The following CADM2 variants were observed in gnomAD, a reference collection of about 807,000 sequenced individuals.
The protein encoded by CADM2 is cell adhesion molecule 2.
CADM2 carries 12 observed loss-of-function variants against 49.8 expected under a neutral mutation model. That is an observed-to-expected ratio of 0.24 (90% CI 0.15 to 0.39). CADM2 has a LOEUF of 0.39. CADM2 is among the 10% of genes least tolerant of loss of function. CADM2 has a pLI of 1.00. For missense variants in CADM2, 378 were observed against 492.3 expected, an observed-to-expected ratio of 0.77 and a Z score of 2.20; for synonymous variants, 214 against 175.4, an observed-to-expected ratio of 1.22 and a Z score of -1.74.
chr3:85,619,360 A>C (rs1389630464), intron 1 of CADM2, among the ~76,000 whole-genome samples: 3 of 152,138 alleles, frequency 2.0e-5, no homozygotes, highest in African/African-American at 7.2e-5. Flanking sequence ...AAAAGAAAAA[A>C]AAAGGAAATG....
At chr3:85,226,108 G>C (rs1559730731) in intron 1 of CADM2, among the ~76,000 whole-genome samples, 1 of 152,102 alleles carries the variant, frequency 6.6e-6, no homozygotes, top group Non-Finnish European at 1.5e-5. Context: ...CCAAGTTTTA[G>C]TATCAGGATG....
At position 85,084,097 on chromosome 3, in the gene CADM2, C is replaced by T. The variant is rs557442531; in HGVS notation, c.61+124429C>T. ...CTGCGTGATGTGAAAGGCATCGCTC[C>T]TTCTGTGACTGGTCTGCTGAGCTGA... On this transcript the variant is annotated intron_variant, in intron 1 of 9. Coordinates refer to ENST00000383699, the MANE Select transcript of CADM2 (RefSeq NM_001167675.2). Among the ~76,000 whole-genome samples the T allele has an allele frequency of 9.2e-5, 14 of 152,258 alleles. No individual in the cohort carries two copies. The South Asian group carries it at 1.9e-3, about 20-fold the overall frequency.
intron 1 of CADM2, among the ~76,000 whole-genome samples, chr3:85,056,359 A>T (rs1453298129): frequency 6.6e-6 from 1 of 152,044 alleles, no homozygotes; most frequent in Non-Finnish European, 1.5e-5. Flanking sequence ...AGAATTTCAG[A>T]GTCTTAGGCT....
chr3:85,064,926 G>A (rs2036471628), intron 1 of CADM2, among the ~76,000 whole-genome samples: 1 of 152,074 alleles, frequency 6.6e-6, no homozygotes, highest in Non-Finnish European at 1.5e-5. Context: ...TCACTAACTG[G>A]TTGTGTTTTT....
chr3:85,839,393 A>G (rs979266965), intron 3 of CADM2, among the ~76,000 whole-genome samples: 3 of 151,796 alleles, frequency 2.0e-5, no homozygotes, highest in South Asian at 2.1e-4. Flanking sequence ...CTCTCTGTCT[A>G]TATATTTTCC....
rs753979609 is a variant in CADM2 at position 85,298,407 on chromosome 3, CA to C, written c.61+338740del. Reference sequence around the variant, plus strand: ...CTAATTGCTTGCAGCAGCACTGATGCAGTTGAGGATATTTCCACATAAATAT... The same window carrying C: ...CTAATTGCTTGCAGCAGCACTGATGCGTTGAGGATATTTCCACATAAATAT... On this transcript the variant is annotated intron_variant, in intron 1 of 9. Transcript: ENST00000383699. Among the ~76,000 whole-genome samples, 32 of 152,200 alleles carry C rather than the reference CA, an allele frequency of 2.1e-4. 1 individual carries two copies. In the Middle Eastern group the frequency reaches 0.01, roughly 49 times the overall value.
chr3:85,439,572 A>C (rs1235742795), intron 1 of CADM2, among the ~76,000 whole-genome samples: 3 of 152,138 alleles, frequency 2.0e-5, no homozygotes, highest in Non-Finnish European at 4.4e-5. Context: ...AGTGAAACTA[A>C]TGATTTAGCA....
chr3:85,020,937 A>T (rs2034475930), intron 1 of CADM2, among the ~76,000 whole-genome samples: 1 of 152,102 alleles, frequency 6.6e-6, no homozygotes, highest in African/African-American at 2.4e-5. Flanking sequence ...ATTATATGGC[A>T]TTAATTTTTT....
chr3:85,996,508 TA>T (rs1215369692), intron 8 of CADM2, among the ~76,000 whole-genome samples: 1 of 152,050 alleles, frequency 6.6e-6, no homozygotes, highest in East Asian at 1.9e-4. Context: ...TACTATTCTG[TA>T]AATCCTTCTT....
chr3:85,546,673 A>C (rs920655456), intron 1 of CADM2, among the ~76,000 whole-genome samples: 2 of 152,182 alleles, frequency 1.3e-5, no homozygotes, highest in Admixed American at 6.5e-5. Flanking sequence ...ACTCACAGAC[A>C]TCAGAATACT....
At chr3:85,308,304 C>CCT (rs1475763530) in intron 1 of CADM2, among the ~76,000 whole-genome samples, 2 of 138,324 alleles carry the variant, frequency 1.4e-5, no homozygotes, top group Non-Finnish European at 3.0e-5. Flanking sequence ...TCTATATCTA[C>CCT]CTCTCTACAC....
At position 85,530,321 on chromosome 3, in the gene CADM2, CGTTTTTTTTT is replaced by C. The variant is rs1231257145; in HGVS notation, c.62-196200_62-196191del. On this transcript the variant is annotated intron_variant, in intron 1 of 9. Transcript: ENST00000383699. ...GTGAGTCAGTTAGACTTCTTTTCTC[CGTTTTTTTTT>C]TTTTTTTTTTTTTTTTTGAGACGGA... 9.2e-4 allele frequency among the ~76,000 whole-genome samples: 110 copies of C among 119,024 alleles called. 12 individuals are homozygous for C. Among genetic ancestry groups the C allele is most frequent in the South Asian group, 1.6e-3 (6 of 3,826 alleles). 78.1% of individuals were successfully genotyped at this position (119,024 alleles called of 152,430 possible). A position where few individuals can be genotyped will look rare whatever the true frequency, so the allele number is the denominator to read the frequency against.
At chr3:86,006,557 A>G (rs1013943218) in intron 8 of CADM2, among the ~76,000 whole-genome samples, 1 of 152,150 alleles carries the variant, frequency 6.6e-6, no homozygotes, top group Non-Finnish European at 1.5e-5. Flanking sequence ...GCTTGTCTTT[A>G]GTCTGAATTT....
At chr3:85,612,494 A>G (rs993822613) in intron 1 of CADM2, among the ~76,000 whole-genome samples, 1 of 151,856 alleles carries the variant, frequency 6.6e-6, no homozygotes, top group Admixed American at 6.6e-5. Context: ...GGGATGCTCC[A>G]ATACAGTTAG....
chr3:85,315,880 T>C (rs1381775937), intron 1 of CADM2, among the ~76,000 whole-genome samples: 1 of 152,158 alleles, frequency 6.6e-6, no homozygotes, highest in African/African-American at 2.4e-5. Flanking sequence ...TTAGTGAAGA[T>C]AATTATATAT....
At chr3:85,257,806 T>C (rs72917164) in intron 1 of CADM2, among the ~76,000 whole-genome samples, 10,056 of 152,094 alleles carry the variant, frequency 0.066, 1,093 homozygotes, top group African/African-American at 0.23. Flanking sequence ...TCCAAGAGTT[T>C]TAAAAATCTA....
intron 1 of CADM2, among the ~76,000 whole-genome samples, chr3:85,681,495 T>C (rs1018091451): frequency 6.6e-6 from 1 of 152,104 alleles, no homozygotes; most frequent in Non-Finnish European, 1.5e-5. Flanking sequence ...GCCTTAAATA[T>C]GCAGGCTTCT....
chr3:85,036,843 A>T (rs1384263804), intron 1 of CADM2, among the ~76,000 whole-genome samples: 1 of 151,894 alleles, frequency 6.6e-6, no homozygotes. Context: ...AAACTACATT[A>T]TGGGATTGCT....
At chr3:85,328,974 G>A (rs984720921) in intron 1 of CADM2, among the ~76,000 whole-genome samples, 8 of 151,284 alleles carry the variant, frequency 5.3e-5, no homozygotes, top group African/African-American at 1.9e-4. Context: ...TTTGAATATA[G>A]GCTCTTTATA....
Sources: gnomAD v4.1 joint callset for allele counts (sites outside exome capture counted in the v4.1 genomes callset) on GRCh38, gnomAD v4.1.1 for gene constraint, MANE v1.5 for transcripts, NCBI Gene and HGNC (gene_info 2026-07-23, HGNC 2026-07-21) for gene names.